The following STXBP5L variants were observed in gnomAD, a reference collection of about 807,000 sequenced individuals.
STXBP5L encodes syntaxin-binding protein 5-like.
Under a neutral mutation model 144.5 loss-of-function variants are expected in STXBP5L, and 65 were observed. The observed-to-expected ratio is 0.45, with a 90% CI of 0.37 to 0.55. The LOEUF (loss-of-function observed/expected upper bound fraction) is 0.55. STXBP5L is among the 20% of genes least tolerant of loss of function. The pLI is 0.00. For synonymous variants in STXBP5L, 505 were observed against 469.6 expected (o/e 1.08, Z -0.97); for missense variants, 1,298 against 1,405.5 (o/e 0.92, Z 1.22).
At chr3:121,273,759 A>G (rs535077755) in intron 18 of STXBP5L, among the ~76,000 whole-genome samples, 83 of 152,014 alleles carry the variant, frequency 5.5e-4, no homozygotes, top group Middle Eastern at 3.4e-3. Flanking sequence ...TGATAGTATA[A>G]TTTCAAAAGA....
chr3:121,081,508 T>C (rs2042246504), intron 5 of STXBP5L, among the ~76,000 whole-genome samples: 1 of 152,220 alleles, frequency 6.6e-6, no homozygotes, highest in African/African-American at 2.4e-5. Flanking sequence ...TTTTCCCAGA[T>C]GCTGGTTGTA....
At chr3:121,349,704 T>C (rs1447258355) in intron 20 of STXBP5L, among the ~76,000 whole-genome samples, 1 of 152,114 alleles carries the variant, frequency 6.6e-6, no homozygotes, top group Non-Finnish European at 1.5e-5. Context: ...CCCTTTACCA[T>C]TATGTAATGG....
chr3:121,204,937 T>C (rs982060871), intron 9 of STXBP5L, among the ~76,000 whole-genome samples: 1 of 152,194 alleles, frequency 6.6e-6, no homozygotes, highest in African/African-American at 2.4e-5. Context: ...ATTATCATTT[T>C]TGTTTTATGC....
chr3:121,093,947 G>A (rs2042969925), intron 5 of STXBP5L, among the ~76,000 whole-genome samples: 1 of 152,020 alleles, frequency 6.6e-6, no homozygotes, highest in Non-Finnish European at 1.5e-5. Context: ...CTTTAAATGT[G>A]TCCCGGAGAT....
intron 9 of STXBP5L, among the ~76,000 whole-genome samples, chr3:121,195,626 T>C (rs1239196806): frequency 1.3e-5 from 2 of 152,224 alleles, no homozygotes; most frequent in Non-Finnish European, 2.9e-5. Flanking sequence ...TGAATAATAT[T>C]TCAGTGAATT....
chr3:121,281,095 G>A (rs1266575764), intron 19 of STXBP5L, among the ~76,000 whole-genome samples: 6 of 151,776 alleles, frequency 4.0e-5, no homozygotes, highest in Admixed American at 6.6e-5. Flanking sequence ...TGGCAGATAT[G>A]TCAAATTTAA....
intron 9 of STXBP5L, among the ~76,000 whole-genome samples, chr3:121,167,538 T>C (rs2046543574): frequency 6.6e-6 from 1 of 152,098 alleles, no homozygotes; most frequent in Admixed American, 6.5e-5. Flanking sequence ...TGTTTTCCCC[T>C]CAGAGTGTAA....
At chr3:121,096,238 G>C (rs915259776) in intron 5 of STXBP5L, among the ~76,000 whole-genome samples, 2 of 152,104 alleles carry the variant, frequency 1.3e-5, no homozygotes, top group African/African-American at 4.8e-5. Context: ...TGGCTATCTT[G>C]GAACCACCTC....
chr3:121,375,976 T>C (rs2046171945), intron 20 of STXBP5L, among the ~76,000 whole-genome samples: 1 of 152,340 alleles, frequency 6.6e-6, no homozygotes, highest in Middle Eastern at 3.4e-3. Context: ...CTTTAATGCA[T>C]TGCCAAGTTT....
At chr3:121,034,453 G>T (rs1185292350) in intron 3 of STXBP5L, among the ~76,000 whole-genome samples, 2 of 152,002 alleles carry the variant, frequency 1.3e-5, no homozygotes, top group Non-Finnish European at 2.9e-5. Context: ...TGCTGCAAAA[G>T]ATATGATTTC....
chr3:121,063,990 G>A (rs1193906301), intron 5 of STXBP5L, among the ~76,000 whole-genome samples: 2 of 152,128 alleles, frequency 1.3e-5, no homozygotes, highest in Admixed American at 1.3e-4. Context: ...CACTTTCCAG[G>A]GGAGTGAATG....
chr3:121,050,362 A>T (rs1947872055), intron 5 of STXBP5L, among the ~76,000 whole-genome samples: 1 of 152,142 alleles, frequency 6.6e-6, no homozygotes, highest in South Asian at 2.1e-4. Context: ...TGTAGCAGAA[A>T]TTTCAAGGAT....
intron 3 of STXBP5L, among the ~76,000 whole-genome samples, chr3:120,976,687 T>C (rs1941068003): frequency 6.6e-6 from 1 of 152,226 alleles, no homozygotes. Context: ...CATTTAGTGC[T>C]ATAAATTTTC....
chr3:121,258,349 T>C (rs147636000), intron 17 of STXBP5L, among the ~76,000 whole-genome samples: 72 of 152,356 alleles, frequency 4.7e-4, no homozygotes, highest in Non-Finnish European at 7.9e-4. Context: ...CTTACAAATA[T>C]GCTTATGGAA....
chr3:121,182,481 A>T (rs1229915737), intron 9 of STXBP5L, among the ~76,000 whole-genome samples: 1 of 152,174 alleles, frequency 6.6e-6, no homozygotes, highest in Non-Finnish European at 1.5e-5. Context: ...AATGATAATC[A>T]TTACACAACT....
At chr3:121,144,854 G>T (rs2045654362) in intron 7 of STXBP5L, among the ~76,000 whole-genome samples, 1 of 151,912 alleles carries the variant, frequency 6.6e-6, no homozygotes, top group African/African-American at 2.4e-5. Flanking sequence ...TACAGTATGT[G>T]ACAACATGGA....
intron 19 of STXBP5L, among the ~76,000 whole-genome samples, chr3:121,303,416 T>C (rs1017961675): frequency 5.3e-5 from 8 of 152,112 alleles, no homozygotes; most frequent in African/African-American, 1.9e-4. Flanking sequence ...AGGAATACTT[T>C]TACAGTGTTG....
chr3:120,954,788 T>A (rs1358010711), intron 2 of STXBP5L, 152 bp from the exon 3 acceptor site: 2 of 512,984 alleles, frequency 3.9e-6, no homozygotes, highest in Non-Finnish European at 6.8e-6. Context: ...ATGTATGAGT[T>A]TAGGTTACTC....
chr3:121,051,039 C>T (rs577454259), intron 5 of STXBP5L, among the ~76,000 whole-genome samples: 1 of 152,174 alleles, frequency 6.6e-6, no homozygotes, highest in Admixed American at 6.5e-5. Flanking sequence ...AGCTAACTAT[C>T]CTAAATATAT....
Sources: allele counts gnomAD v4.1 joint callset (sites outside exome capture counted in the v4.1 genomes callset), GRCh38; gene constraint gnomAD v4.1.1; transcripts MANE v1.5; gene names NCBI Gene and HGNC (gene_info 2026-07-23, HGNC 2026-07-21).